The following TNR variants were observed in gnomAD, a reference collection of about 807,000 sequenced individuals.
The protein encoded by TNR is tenascin-R.
TNR carries 45 observed loss-of-function variants against 150.4 expected under a neutral mutation model. The observed-to-expected ratio is 0.30, with a 90% CI of 0.24 to 0.38. TNR has a LOEUF of 0.38. Among genes scored for constraint, TNR ranks in the 10% least tolerant of loss-of-function variants. The pLI is 1.00. For synonymous variants in TNR, 687 were observed against 678.4 expected (o/e 1.01, Z -0.20); for missense variants, 1,544 against 1,759.1 (o/e 0.88, Z 2.19).
intron 1 of TNR, among the ~76,000 whole-genome samples, chr1:175,542,168 A>T (rs570504505): frequency 1.3e-5 from 2 of 152,312 alleles, no homozygotes; most frequent in South Asian, 4.1e-4. Context: ...AGGAAGGGAA[A>T]AGAGAAAGAC....
In TNR at chr1:175,394,222, A is replaced by G. The variant is rs531436178; in HGVS notation, c.1241-327T>C. ...TCTTACTAATGTGGTAGATCTTGGC[A>G]TATCATATATAGTACAGTGCCTTTT... On this transcript the variant is annotated intron_variant, in intron 5 of 22. Coordinates refer to ENST00000367674, the MANE Select transcript of TNR (RefSeq NM_003285.3). Among the ~76,000 whole-genome samples the G allele has an allele frequency of 9.9e-5, 15 of 151,944 alleles. No individual in the cohort carries two copies. In the East Asian group the frequency reaches 2.9e-3, roughly 30 times the overall value.
At chr1:175,330,042 G>A in intron 21 of TNR, 32 bp downstream of exon 21, 1 of 1,515,634 alleles carries the variant, frequency 6.6e-7, no homozygotes, top group Non-Finnish European at 8.9e-7. Flanking sequence ...CATGCCCACT[G>A]TCCTTGGGGT....
Position 175,530,344 on chromosome 1 carries a change from G to A in TNR, c.-164-1975C>T, listed in dbSNP as rs115963235. Among the ~76,000 whole-genome samples, 385 of 152,254 alleles carry A rather than the reference G, an allele frequency of 2.5e-3. 1 individual carries two copies. Among genetic ancestry groups the A allele is most frequent in the Non-Finnish European group, 4.5e-3 (305 of 68,016 alleles). ...AGGTCTTAGGGCCCCACACACACCC[G>A]CCTCTCTTTGGCTCTGGGCTGCCCC... On this transcript the variant is annotated intron_variant, in intron 1 of 22. Coordinates refer to ENST00000367674, the MANE Select transcript of TNR (RefSeq NM_003285.3).
chr1:175,403,415 C>A lies in TNR; in HGVS notation c.701G>T (p.Arg234Leu). Residue 234 changes from arginine to leucine, a missense_variant, in exon 4 of 23, where the codon CGG becomes CTG. Around this residue, in one of 2 missense-constraint regions of TNR, gnomAD observed 1,254 missense variants for 1,329.4 expected, o/e 0.94. Transcript: ENST00000367674. ...CCGGGAGCTGCAGTCTGTTGGGCAC[C>A]GGAGTTCGGAACAGTCATCCCCGCT... ...EYSGDDCSEL[R>L]CPTDCSSRGL... 1 of 1,614,204 alleles carries A rather than the reference C, an allele frequency of 6.2e-7. No individual in the cohort carries two copies. The highest frequency in any genetic ancestry group is 2.2e-5 in the East Asian group (1 of 44,884).
chr1:175,735,494 C>T (rs1350430813), intron 1 of TNR, among the ~76,000 whole-genome samples: 1 of 152,220 alleles, frequency 6.6e-6, no homozygotes, highest in African/African-American at 2.4e-5. Flanking sequence ...GATAAACAGG[C>T]TATCCACACA....
intron 2 of TNR, among the ~76,000 whole-genome samples, chr1:175,503,287 C>T (rs1420143652): frequency 6.6e-6 from 1 of 152,124 alleles, no homozygotes; most frequent in Non-Finnish European, 1.5e-5. Flanking sequence ...GCTTATGCCT[C>T]GGTGCTCAGA....
chr1:175,334,482 G>A (rs1488318459), intron 20 of TNR, among the ~76,000 whole-genome samples: 2 of 152,194 alleles, frequency 1.3e-5, no homozygotes, highest in Non-Finnish European at 2.9e-5. Context: ...GGGTCATGTG[G>A]CCAGAGATTT....
intron 14 of TNR, among the ~76,000 whole-genome samples, chr1:175,359,948 G>A (rs1484316512): frequency 2.0e-5 from 3 of 151,956 alleles, no homozygotes; most frequent in Non-Finnish European, 2.9e-5. Context: ...TTCTCCCCCA[G>A]TCGCCCCCAG....
chr1:175,542,513 G>T (rs574372454), intron 1 of TNR, among the ~76,000 whole-genome samples: 1 of 152,292 alleles, frequency 6.6e-6, no homozygotes, highest in South Asian at 2.1e-4. Context: ...CTCCAACACT[G>T]CTTATCCTAT....
At chr1:175,622,132 T>C (rs189060507) in intron 1 of TNR, among the ~76,000 whole-genome samples, 3 of 152,264 alleles carry the variant, frequency 2.0e-5, no homozygotes, top group Non-Finnish European at 4.4e-5. Flanking sequence ...CATTTCTGTA[T>C]CTTACATATT....
chr1:175,401,648 T>C lies in TNR; in HGVS notation c.976+1492A>G, dbSNP rs547122704. Among the ~76,000 whole-genome samples, 7 of 152,332 alleles carry C rather than the reference T, an allele frequency of 4.6e-5. No homozygotes were observed. The South Asian group carries it at 1.5e-3, about 32-fold the overall frequency. On this transcript the variant is annotated intron_variant, in intron 4 of 22. Coordinates refer to ENST00000367674, the MANE Select transcript of TNR (RefSeq NM_003285.3). ...GTTGTTTTTCTTTTCATTATTACCATTGATTTTTGAAAATAATTTAAGTTG... is the reference window on the plus strand; with the variant it reads ...GTTGTTTTTCTTTTCATTATTACCACTGATTTTTGAAAATAATTTAAGTTG...
At chr1:175,650,978 T>C (rs371357863) in intron 1 of TNR, among the ~76,000 whole-genome samples, 6 of 61,180 alleles carry the variant, frequency 9.8e-5, no homozygotes, top group Admixed American at 2.1e-4. Flanking sequence ...TCATTACTAC[T>C]CCTCCCCATC....
intron 2 of TNR, among the ~76,000 whole-genome samples, chr1:175,413,443 G>C (rs1013747204): frequency 2.0e-5 from 3 of 152,228 alleles, no homozygotes; most frequent in African/African-American, 7.2e-5. Context: ...ATCTCCTTTA[G>C]AGAGGTCCCA....
At chr1:175,578,342 C>T (rs779491128) in intron 1 of TNR, among the ~76,000 whole-genome samples, 27 of 151,460 alleles carry the variant, frequency 1.8e-4, no homozygotes, top group Non-Finnish European at 3.2e-4. Context: ...AGAAGGTAAA[C>T]AAGATTGATA....
At chr1:175,406,838 T>A in intron 2 of TNR, 61 bp from the exon 3 acceptor site, 1 of 1,301,844 alleles carries the variant, frequency 7.7e-7, no homozygotes, top group Non-Finnish European at 1.1e-6. Flanking sequence ...ACCATGGCTC[T>A]GCACAAGCCT....
chr1:175,408,433 G>A (rs1354942246), intron 2 of TNR, among the ~76,000 whole-genome samples: 1 of 152,130 alleles, frequency 6.6e-6, no homozygotes, highest in Non-Finnish European at 1.5e-5. Flanking sequence ...ATTTTATTAG[G>A]AGTAACCTGT....
chr1:175,626,741 A>G (rs529112498), intron 1 of TNR, among the ~76,000 whole-genome samples: 5 of 152,348 alleles, frequency 3.3e-5, no homozygotes, highest in Admixed American at 3.3e-4. Flanking sequence ...AGATATGTCT[A>G]TGTTTTAACC....
rs1335334509 is a variant in TNR, at chr1:175,528,253, T to C, written c.-64+16A>G. 1.3e-5 allele frequency: 2 copies of C among 152,222 alleles called. No homozygotes were observed. Among genetic ancestry groups the C allele is most frequent in the African/African-American group, 2.4e-5 (1 of 41,456 alleles). 9.4% of individuals were successfully genotyped at this position (152,222 alleles called of 1,614,324 possible). A position where few individuals can be genotyped will look rare whatever the true frequency, so the allele number is the denominator to read the frequency against. On this transcript the variant is annotated intron_variant, in intron 2 of 22. Transcript: ENST00000367674. Reference sequence around the variant, plus strand: ...GCCATGGGAATGATGAATGATCAAATGTTCACAGGAAATACCTTTTGTGAT... The same window carrying C: ...GCCATGGGAATGATGAATGATCAAACGTTCACAGGAAATACCTTTTGTGAT...
intron 18 of TNR, among the ~76,000 whole-genome samples, chr1:175,351,173 C>T (rs2102002413): frequency 6.6e-6 from 1 of 152,282 alleles, no homozygotes; most frequent in East Asian, 1.9e-4. Flanking sequence ...AGTGAAGATA[C>T]ACTGCTCTTC....
Sources: allele counts gnomAD v4.1 joint callset (sites outside exome capture counted in the v4.1 genomes callset), GRCh38; gene constraint gnomAD v4.1.1; regional missense constraint gnomAD v4.1.1; transcripts MANE v1.5; gene names NCBI Gene and HGNC (gene_info 2026-07-23, HGNC 2026-07-21).